The following SLC26A3 variants were observed in gnomAD, a reference collection of about 807,000 sequenced individuals.
The protein encoded by SLC26A3 is chloride anion exchanger.
A neutral mutation model predicts 85.6 loss-of-function variants in SLC26A3; 64 were observed. That is an observed-to-expected ratio of 0.75 (90% CI 0.61 to 0.92). SLC26A3 has a LOEUF of 0.92. SLC26A3 is among the 40% of genes least tolerant of loss of function. The probability of loss-of-function intolerance (pLI) is 0.00; values close to 1 mark genes in which losing one functional copy is unlikely to be tolerated. For synonymous variants in SLC26A3, 349 were observed against 336.0 expected (o/e 1.04, Z -0.42); for missense variants, 922 against 927.3 (o/e 0.99, Z 0.07).
intron 1 of SLC26A3, among the ~76,000 whole-genome samples, chr7:107,796,785 TGAA>T (rs3076035): frequency 0.41 from 60,677 of 149,126 alleles, 12,405 homozygotes; most frequent in South Asian, 0.43. Context: ...AACCTTAGGA[TGAA>T]GAAGACTTCA....
rs780334695 is a variant in SLC26A3, at chr7:107,777,414, G to A, written c.1515-708C>T. ...ATTCACGAACCAGCCTGGCCAACAC[G>A]GTGAAACCCTGTCTCTAGTAAAAAT... On this transcript the variant is annotated intron_variant, in intron 13 of 20. Transcript: ENST00000340010. 7.2e-5 allele frequency among the ~76,000 whole-genome samples: 11 copies of A among 152,068 alleles called. 1 individual carries two copies. Among genetic ancestry groups the A allele is most frequent in the South Asian group, 2.1e-4 (1 of 4,820 alleles).
Position 107,783,066 on chromosome 7 carries a change from T to A in SLC26A3, c.1147A>T (p.Ile383Leu). The change falls in exon 10 of 21, where the codon ATA (isoleucine) becomes TTA (leucine). Residue 383 changes from isoleucine (I) to leucine (L), a missense_variant. Ile to Leu is a conservative substitution (Grantham distance 5). Transcript: ENST00000340010. Reference sequence around the variant, plus strand: ...AATCCTCTGAATACTCCACAGACTATGTTACCCAGTCCCAAGGCTATTAAC... The same window carrying A: ...AATCCTCTGAATACTCCACAGACTAAGTTACCCAGTCCCAAGGCTATTAAC... ...QELIALGLGN[I>L]VCGVFRGFAG... The A allele has an allele frequency of 1.2e-6, 2 of 1,614,170 alleles. No homozygotes were observed. The highest frequency in any genetic ancestry group is 1.7e-6 in the Non-Finnish European group (2 of 1,180,012).
chr7:107,778,634 T>C (rs1794167514), intron 12 of SLC26A3, among the ~76,000 whole-genome samples: 1 of 152,186 alleles, frequency 6.6e-6, no homozygotes, highest in African/African-American at 2.4e-5. Context: ...GTGATAATTA[T>C]AATTGCAAAA....
chr7:107,797,939 G>T (rs76300903), intron 1 of SLC26A3, among the ~76,000 whole-genome samples: 1,929 of 151,766 alleles, frequency 0.013, 50 homozygotes, highest in African/African-American at 0.045. Flanking sequence ...CAAATATTAC[G>T]CCCATATTAA....
At chr7:107,793,554 A>G (rs1165797224) in intron 3 of SLC26A3, among the ~76,000 whole-genome samples, 188 bp downstream of exon 3, 1 of 152,154 alleles carries the variant, frequency 6.6e-6, no homozygotes, top group African/African-American at 2.4e-5. Flanking sequence ...AAATCCACAG[A>G]GAAAGGGTAG....
chr7:107,778,420 A>G (rs1794157959), intron 12 of SLC26A3, 139 bp from the exon 13 acceptor site: 1 of 617,976 alleles, frequency 1.6e-6, no homozygotes, highest in African/African-American at 2.0e-5. Flanking sequence ...AAATTTAAAA[A>G]TTTGCCAGAC....
intron 20 of SLC26A3, 120 bp from the exon 21 acceptor site, chr7:107,765,998 T>C (rs754356066): frequency 1.3e-6 from 1 of 790,858 alleles, no homozygotes; most frequent in South Asian, 1.5e-5. Flanking sequence ...TGAATTTTAA[T>C]GATCAAGTAC....
At chr7:107,766,218 A>G (rs528402976) in intron 20 of SLC26A3, among the ~76,000 whole-genome samples, 1 of 152,286 alleles carries the variant, frequency 6.6e-6, no homozygotes, top group East Asian at 1.9e-4. Flanking sequence ...ACCTTCCTTG[A>G]GACCAAAGAG....
Position 107,791,251 on chromosome 7 carries a change from T to C in SLC26A3, c.383-16A>G, listed in dbSNP as rs1772145896. ...GGAAACGGACCTAATTAACAGTGGG[T>C]GAATCGTGGTCAGTATATGCCTCTC... On this transcript the variant is annotated splice_polypyrimidine_tract_variant and intron_variant, in intron 4 of 20. Transcript: ENST00000340010. The C allele has an allele frequency of 1.2e-6, 2 of 1,613,134 alleles. No individual in the cohort carries two copies. Among genetic ancestry groups the C allele is most frequent in the South Asian group, 2.2e-5 (2 of 91,060 alleles).
chr7:107,796,868 C>T (rs1423257221), intron 1 of SLC26A3, among the ~76,000 whole-genome samples: 1 of 151,738 alleles, frequency 6.6e-6, no homozygotes, highest in Non-Finnish European at 1.5e-5. Flanking sequence ...CTGCTCTTTG[C>T]TTGCTTTACT....
At chr7:107,795,903 G>C (rs945997494) in intron 1 of SLC26A3, among the ~76,000 whole-genome samples, 1 of 151,816 alleles carries the variant, frequency 6.6e-6, no homozygotes, top group Non-Finnish European at 1.5e-5. Context: ...TTATAACCAG[G>C]AATCAGATGC....
At chr7:107,770,432 T>A (rs968239113) in intron 18 of SLC26A3, among the ~76,000 whole-genome samples, 2 of 150,892 alleles carry the variant, frequency 1.3e-5, no homozygotes, top group Non-Finnish European at 3.0e-5. Context: ...AACATTTTTT[T>A]TTTTTTTTAG....
intron 11 of SLC26A3, 28 bp from the exon 12 acceptor site, chr7:107,779,791 CT>C (rs34151876): frequency 6.3e-7 from 1 of 1,576,806 alleles, no homozygotes; most frequent in South Asian, 1.1e-5. Context: ...ATCAGATGTA[CT>C]TTAAGTTAAT....
intron 11 of SLC26A3, among the ~76,000 whole-genome samples, chr7:107,781,141 A>G (rs1794209213): frequency 6.6e-6 from 1 of 152,226 alleles, no homozygotes. Flanking sequence ...TAAAGATTAC[A>G]GAGCATTAAG....
intron 5 of SLC26A3, among the ~76,000 whole-genome samples, chr7:107,789,918 G>A (rs1418503787): frequency 6.6e-6 from 1 of 152,084 alleles, no homozygotes; most frequent in African/African-American, 2.4e-5. Context: ...TATTCACATA[G>A]GATATAAGTC....
intron 18 of SLC26A3, among the ~76,000 whole-genome samples, chr7:107,771,692 T>C (rs1344369862): frequency 6.6e-6 from 1 of 152,090 alleles, no homozygotes; most frequent in Non-Finnish European, 1.5e-5. Flanking sequence ...GCAAGGATGG[T>C]CTCATCAGCA....
chr7:107,788,259 A>C (rs1794330868), intron 6 of SLC26A3, among the ~76,000 whole-genome samples: 1 of 152,180 alleles, frequency 6.6e-6, no homozygotes, highest in East Asian at 1.9e-4. Flanking sequence ...TAACAACAAA[A>C]ATTAAGTAAC....
intron 1 of SLC26A3, among the ~76,000 whole-genome samples, chr7:107,795,305 T>C (rs547414537): frequency 1.2e-3 from 185 of 152,342 alleles, no homozygotes; most frequent in African/African-American, 4.3e-3. Flanking sequence ...CCAAAGCATC[T>C]GGTTTACATC....
chr7:107,783,859 C>A, intron 8 of SLC26A3, among the ~76,000 whole-genome samples: 1 of 152,202 alleles, frequency 6.6e-6, no homozygotes, highest in East Asian at 1.9e-4. Context: ...CCCTGCACTT[C>A]ACAGAAATGC....
Sources: gnomAD v4.1 joint callset for allele counts (sites outside exome capture counted in the v4.1 genomes callset) on GRCh38, gnomAD v4.1.1 for gene constraint, MANE v1.5 for transcripts, NCBI Gene and HGNC (gene_info 2026-07-23, HGNC 2026-07-21) for gene names.